Variants in MSH3 observed in about 807,000 individuals in gnomAD.
MSH3 encodes mutS homolog 3, also known as DNA mismatch repair protein Msh3.
In MSH3, 106 loss-of-function variants were observed where a neutral mutation model predicts 123.3. The observed-to-expected ratio is 0.86, with a 90% CI of 0.73 to 1.01. MSH3 has a LOEUF of 1.01. MSH3 is among the 50% of genes least tolerant of loss of function. MSH3 has a pLI of 0.00. For synonymous variants in MSH3, 515 were observed against 481.4 expected (o/e 1.07, Z -0.91); for missense variants, 1,459 against 1,347.6 (o/e 1.08, Z -1.29).
chr5:80,775,707 T>A lies in MSH3; in HGVS notation c.2267T>A (p.Ile756Lys). Residue 756 changes from isoleucine to lysine, a missense_variant, in exon 16 of 24, where the codon ATA (isoleucine) becomes AAA (lysine). Coordinates refer to ENST00000265081, the MANE Select transcript of MSH3 (RefSeq NM_002439.5). The part of the protein sequence containing the change: ...TVSGQEFMIE[I>K]KNSAVSCIPT... ...TATTTGTTTTAGTTTATGATAGAAA[T>A]AAAGAACTCTGCTGTATCTTGTATA... 1 of 1,562,928 alleles carries A rather than the reference T, an allele frequency of 6.4e-7. No individual in the cohort carries two copies. The highest frequency in any genetic ancestry group is 8.8e-7 in the Non-Finnish European group (1 of 1,133,938).
intron 3 of MSH3, among the ~76,000 whole-genome samples, chr5:80,669,774 AAAAAG>A (rs1749663278): frequency 6.6e-6 from 1 of 152,240 alleles, no homozygotes; most frequent in South Asian, 2.1e-4. Flanking sequence ...AATAAATAAT[AAAAAG>A]AAAATAAGTG....
At chr5:80,864,426 A>C (rs1746065596) in intron 21 of MSH3, among the ~76,000 whole-genome samples, 1 of 152,172 alleles carries the variant, frequency 6.6e-6, no homozygotes, top group African/African-American at 2.4e-5. Flanking sequence ...TTGTTGGGAG[A>C]ATTAGGGAGA....
At chr5:80,833,877 A>G (rs888729941) in intron 20 of MSH3, among the ~76,000 whole-genome samples, 3 of 152,232 alleles carry the variant, frequency 2.0e-5, no homozygotes, top group African/African-American at 7.2e-5. Context: ...AATGGTATCA[A>G]AGACTCTGGA....
intron 19 of MSH3, among the ~76,000 whole-genome samples, chr5:80,793,501 G>C (rs941489436): frequency 6.6e-6 from 1 of 152,202 alleles, no homozygotes; most frequent in East Asian, 1.9e-4. Context: ...TAGGTAGCAG[G>C]TTGGCCTAAC....
At chr5:80,835,027 A>T (rs1449503320) in intron 20 of MSH3, among the ~76,000 whole-genome samples, 2 of 152,262 alleles carry the variant, frequency 1.3e-5, no homozygotes, top group African/African-American at 4.8e-5. Flanking sequence ...GAACTTGTCC[A>T]GCACCAAGAC....
chr5:80,761,560 G>T lies in MSH3; in HGVS notation c.1778G>T (p.Arg593Leu), dbSNP rs764832633. The change falls in exon 13 of 24, where the codon CGG (arginine) becomes CTG (leucine). Residue 593 changes from arginine (R) to leucine (L), a missense_variant. Transcript: ENST00000265081. ...PLLKLREINARLDAVSEVLHS... is the reference protein window; with the variant it reads ...PLLKLREINALLDAVSEVLHS... ...TTTTCTCACAGGGAAATAAATGCCC[G>T]GCTTGATGCTGTATCGGAAGTTCTC... The T allele has an allele frequency of 6.2e-7, 1 of 1,613,990 alleles. No individual in the cohort carries two copies. The highest frequency in any genetic ancestry group is 8.5e-7 in the Non-Finnish European group (1 of 1,179,974).
In MSH3 at chr5:80,854,133, G is replaced by A. The variant is rs1750325094; in HGVS notation, c.2817G>A (p.Met939Ile). The change falls in exon 21 of 24, where the codon ATG (methionine) becomes ATA (isoleucine). Residue 939 changes from methionine to isoleucine, a missense_variant. Met to Ile is a conservative substitution (Grantham distance 10). Coordinates refer to ENST00000265081, the MANE Select transcript of MSH3 (RefSeq NM_002439.5). ...GGTGTTTTCATCTTGCTTGTAGGAT[G>A]GGTGCTGCAGACAATATATATAAAG... ...IGIVDGIFTR[M>I]GAADNIYKGQ... 6.2e-7 allele frequency: 1 copy of A among 1,612,792 alleles called. No individual in the cohort carries two copies. The highest frequency in any genetic ancestry group is 1.3e-5 in the African/African-American group (1 of 74,898).
At chr5:80,757,285 TG>T (rs1743943812) in intron 12 of MSH3, among the ~76,000 whole-genome samples, 2 of 152,320 alleles carry the variant, frequency 1.3e-5, no homozygotes, top group South Asian at 2.1e-4. Context: ...AATTGTTGGC[TG>T]TAGTCACCCT....
In MSH3 at chr5:80,749,134, A is replaced by G. The variant is rs142396579; in HGVS notation, c.1763+4519A>G. ...AGAACTAATAGGATAGATGTATATA[A>G]GGAGTATTGACTTACATGATCACAA... On this transcript the variant is annotated intron_variant, in intron 12 of 23. Transcript: ENST00000265081. Among the ~76,000 whole-genome samples the G allele has an allele frequency of 1.7e-3, 261 of 152,286 alleles. 2 individuals are homozygous for G. Among genetic ancestry groups the G allele is most frequent in the African/African-American group, 6.0e-3 (248 of 41,552 alleles).
intron 2 of MSH3, among the ~76,000 whole-genome samples, chr5:80,663,229 T>C (rs1749481953): frequency 1.3e-5 from 2 of 152,090 alleles, no homozygotes. Flanking sequence ...CTTGGAAAAT[T>C]TGGAGTAACT....
At chr5:80,670,920 G>A (rs1232183207) in intron 4 of MSH3, among the ~76,000 whole-genome samples, 1 of 152,062 alleles carries the variant, frequency 6.6e-6, no homozygotes, top group Admixed American at 6.6e-5. Flanking sequence ...AGGAGTTTGA[G>A]ACCAGCCTGG....
At chr5:80,813,510 A>T in intron 19 of MSH3, 74 bp from the exon 20 acceptor site, 1 of 1,469,582 alleles carries the variant, frequency 6.8e-7, no homozygotes. Context: ...ATGCATTTCC[A>T]CTTATGAGAT....
At chr5:80,744,849 T>A (rs995580003) in intron 12 of MSH3, among the ~76,000 whole-genome samples, 27 of 151,966 alleles carry the variant, frequency 1.8e-4, no homozygotes, top group African/African-American at 6.5e-4. Context: ...CCCAGGAAAG[T>A]GAGGATAGAT....
At chr5:80,726,439 G>A (rs1743304415) in intron 9 of MSH3, among the ~76,000 whole-genome samples, 1 of 152,034 alleles carries the variant, frequency 6.6e-6, no homozygotes, top group Non-Finnish European at 1.5e-5. Context: ...TGATGCCTTG[G>A]TCAAATAAAG....
chr5:80,686,152 T>C (rs548683602), intron 8 of MSH3, among the ~76,000 whole-genome samples: 6 of 152,356 alleles, frequency 3.9e-5, no homozygotes, highest in African/African-American at 1.2e-4. Flanking sequence ...AAGTGTATTC[T>C]GCAACCATTG....
At chr5:80,767,234 T>A (rs771351958) in intron 13 of MSH3, among the ~76,000 whole-genome samples, 1 of 152,178 alleles carries the variant, frequency 6.6e-6, no homozygotes, top group East Asian at 1.9e-4. Context: ...TATTTTTAGA[T>A]AAATTATTTA....
At chr5:80,704,993 C>T (rs1159040144) in intron 8 of MSH3, among the ~76,000 whole-genome samples, 1 of 152,178 alleles carries the variant, frequency 6.6e-6, no homozygotes, top group Non-Finnish European at 1.5e-5. Flanking sequence ...ACCTGTGAAT[C>T]TTAACCTCTC....
intron 2 of MSH3, among the ~76,000 whole-genome samples, chr5:80,661,043 C>A (rs528519406): frequency 6.6e-6 from 1 of 152,110 alleles, no homozygotes. Flanking sequence ...GTGATCTACC[C>A]GCCTCGGCCT....
intron 2 of MSH3, among the ~76,000 whole-genome samples, chr5:80,663,796 A>G (rs1749501211): frequency 6.6e-6 from 1 of 152,174 alleles, no homozygotes; most frequent in Admixed American, 6.5e-5. Context: ...TTTTGAAGCA[A>G]CAAAAGCAGA....
Sources: gnomAD v4.1 joint callset for allele counts (sites outside exome capture counted in the v4.1 genomes callset) on GRCh38, gnomAD v4.1.1 for gene constraint, MANE v1.5 for transcripts, NCBI Gene and HGNC (gene_info 2026-07-23, HGNC 2026-07-21) for gene names.